Variants in ALDOC observed in about 807,000 individuals in gnomAD.
The protein encoded by ALDOC is aldolase, fructose-bisphosphate C.
ALDOC carries 23 observed loss-of-function variants against 39.5 expected under a neutral mutation model. That is an observed-to-expected ratio of 0.58 (90% CI 0.42 to 0.82). The LOEUF is 0.82. ALDOC is among the 40% of genes least tolerant of loss of function. The probability of loss-of-function intolerance (pLI) is 0.00; values close to 1 mark genes in which losing one functional copy is unlikely to be tolerated. For missense variants in ALDOC, 356 were observed against 479.1 expected (o/e 0.74, Z 2.40); for synonymous variants, 160 against 182.6 (o/e 0.88, Z 1.00).
At position 28,574,059 on chromosome 17, in the gene ALDOC, G is replaced by T; in HGVS notation, c.799+8C>A. On this transcript the variant is annotated splice_region_variant and intron_variant, in intron 7 of 8. Coordinates refer to ENST00000226253, the MANE Select transcript of ALDOC (RefSeq NM_005165.3). Reference sequence around the variant, plus strand: ...GGGATAGGAGCAGGTTAGGGAGCTGGGTAGTACCTGGGACAGCTGGGGGCA... The same window carrying T: ...GGGATAGGAGCAGGTTAGGGAGCTGTGTAGTACCTGGGACAGCTGGGGGCA... The T allele has an allele frequency of 6.3e-7, 1 of 1,595,084 alleles. No individual in the cohort carries two copies.
Position 28,575,720 on chromosome 17 carries a change from C to T in ALDOC, c.-12-176G>A, listed in dbSNP as rs1393739775. 7.5e-6 allele frequency: 6 copies of T among 795,270 alleles called. No individual in the cohort carries two copies. The highest frequency in any genetic ancestry group is 1.2e-5 in the Non-Finnish European group (6 of 520,114). The allele number at this position is 795,270 out of a possible 1,614,324, so 49.3% of individuals were successfully genotyped here. On this transcript the variant is annotated intron_variant, in intron 1 of 8. Transcript: ENST00000226253. The surrounding 1 kb of genome is among the most constrained non-coding windows in gnomAD (Gnocchi z 4.3). ...TCTGACAGCTAGCAAGCTTAGGGCT[C>T]CAGTTCCCACATCTCCTTTTGTCCC...
At position 28,573,219 on chromosome 17, in the gene ALDOC, G is replaced by T; in HGVS notation, c.*307C>A. Reference sequence around the variant, plus strand: ...CCCAGGAGACAGGGCAGGCAAGAAGGAGAGCCCAGGGAGAAGCTACCTCAT... The same window carrying T: ...CCCAGGAGACAGGGCAGGCAAGAAGTAGAGCCCAGGGAGAAGCTACCTCAT... On this transcript the variant is annotated 3_prime_UTR_variant, in exon 9 of 9. Transcript: ENST00000226253. The surrounding 1 kb of genome is among the most constrained non-coding windows in gnomAD (Gnocchi z 4.3). The T allele has an allele frequency of 4.1e-6, 2 of 493,326 alleles. No homozygotes were observed. Among genetic ancestry groups the T allele is most frequent in the South Asian group, 4.3e-5 (2 of 46,088 alleles). 30.6% of individuals were successfully genotyped at this position (493,326 alleles called of 1,614,324 possible).
At position 28,575,715 on chromosome 17, in the gene ALDOC, G is replaced by A. The variant is rs974941886; in HGVS notation, c.-12-171C>T. ...GTCCTTCTGACAGCTAGCAAGCTTA[G>A]GGCTCCAGTTCCCACATCTCCTTTT... is the stretch of plus-strand genomic sequence containing the variant. On this transcript the variant is annotated intron_variant, in intron 1 of 8. Coordinates refer to ENST00000226253, the MANE Select transcript of ALDOC (RefSeq NM_005165.3). This position sits in a 1 kb window ranked among gnomAD's most constrained non-coding sequence, Gnocchi z 4.3. 15 of 833,916 alleles carry A rather than the reference G, an allele frequency of 1.8e-5. No homozygotes were observed. The African/African-American group carries it at 2.4e-4, about 13-fold the overall frequency. The allele number at this position is 833,916 out of a possible 1,614,324, so 51.7% of individuals were successfully genotyped here.
chr17:28,573,334 A>C lies in ALDOC; in HGVS notation c.*192T>G. On this transcript the variant is annotated 3_prime_UTR_variant, in exon 9 of 9. Transcript: ENST00000226253. This position sits in a 1 kb window ranked among gnomAD's most constrained non-coding sequence, Gnocchi z 4.3. ...GCAATTTCTTCTGCCCTCAGTCATG[A>C]GGGGCTCCCTATCCTCCCATCCTAT... is the stretch of plus-strand genomic sequence containing the variant. The C allele has an allele frequency of 1.6e-6, 1 of 630,460 alleles. No homozygotes were observed. The allele number at this position is 630,460 out of a possible 1,614,324, so 39.1% of individuals were successfully genotyped here. A position where few individuals can be genotyped will look rare whatever the true frequency, so the allele number is the denominator to read the frequency against.
In ALDOC at chr17:28,573,914, C is replaced by T. The variant is rs1275413458; in HGVS notation, c.820G>A (p.Gly274Ser). The change falls in exon 8 of 9, where the codon GGT becomes AGT. Residue 274 changes from glycine (G) to serine (S), a missense_variant. Coordinates refer to ENST00000226253, the MANE Select transcript of ALDOC (RefSeq NM_005165.3). The surrounding 1 kb of genome is among the most constrained non-coding windows in gnomAD (Gnocchi z 4.3). ...AVPGVTFLSG[G>S]QSEEEASFNL... ...AATGATGCCTCTTCTTCGCTCTGAC[C>T]CCCAGACAGGAAGGTCACTCCTAGT... The T allele has an allele frequency of 1.2e-6, 2 of 1,614,026 alleles. No homozygotes were observed. The highest frequency in any genetic ancestry group is 1.7e-6 in the Non-Finnish European group (2 of 1,180,032).
At position 28,574,158 on chromosome 17, in the gene ALDOC, C is replaced by A; in HGVS notation, c.708G>T (p.Pro236=). The A allele has an allele frequency of 6.2e-7, 1 of 1,612,154 alleles. No individual in the cohort carries two copies. Among genetic ancestry groups the A allele is most frequent in the Non-Finnish European group, 8.5e-7 (1 of 1,178,994 alleles). The change falls in exon 7 of 9, where the codon CCG becomes CCT. Residue 236 remains proline (P), a synonymous_variant. Coordinates refer to ENST00000226253, the MANE Select transcript of ALDOC (RefSeq NM_005165.3). ...GTLLKPNMVT[P]GHACPIKYTP... ...TATACTTGATGGGACAGGCATGGCCCGGGGTCACCATGTTGGGCTTGAGCA... is the reference window on the plus strand; with the variant it reads ...TATACTTGATGGGACAGGCATGGCCAGGGGTCACCATGTTGGGCTTGAGCA...
In ALDOC at chr17:28,573,289, C is replaced by T; in HGVS notation, c.*237G>A. The T allele has an allele frequency of 1.7e-6, 1 of 575,070 alleles. No homozygotes were observed. The highest frequency in any genetic ancestry group is 3.1e-6 in the Non-Finnish European group (1 of 320,462). 35.6% of individuals were successfully genotyped at this position (575,070 alleles called of 1,614,324 possible). The stretch of plus-strand genomic sequence containing the variant: ...CTGGAAGAGGTAGGGGGAGACCCAG[C>T]CATCCTGTTCTGACTTCTAGCAATT... On this transcript the variant is annotated 3_prime_UTR_variant, in exon 9 of 9. Transcript: ENST00000226253. The surrounding 1 kb of genome is among the most constrained non-coding windows in gnomAD (Gnocchi z 4.3).
At position 28,573,635 on chromosome 17, in the gene ALDOC, C is replaced by T. The variant is rs41280130; in HGVS notation, c.1000-14G>A. ...AAGCCCATTCACCTGCAAAAGGGAG[C>T]GTGGAGTAAGCAGGCTGAGCCAGCC... On this transcript the variant is annotated splice_polypyrimidine_tract_variant and intron_variant, in intron 8 of 8. Transcript: ENST00000226253. The surrounding 1 kb of genome is among the most constrained non-coding windows in gnomAD (Gnocchi z 4.3). 29,770 of 1,614,112 alleles carry T rather than the reference C, an allele frequency of 0.018. 338 individuals are homozygous for T. The highest frequency in any genetic ancestry group is 0.022 in the Middle Eastern group (132 of 6,062).
intron 6 of ALDOC, 126 bp from the exon 7 acceptor site, chr17:28,574,367 TG>T (rs2151516599): frequency 7.0e-7 from 1 of 1,437,616 alleles, no homozygotes; most frequent in Admixed American, 1.7e-5. Flanking sequence ...ATCACAGGCC[TG>T]TGCCGGGATG....
At position 28,573,376 on chromosome 17, in the gene ALDOC, A is replaced by C; in HGVS notation, c.*150T>G. ...CCATCCTATGGTCCCAGGTGCAGCA[A>C]TGAGAGAGGGGAAGGGAAGAGAGAA... is the stretch of plus-strand genomic sequence containing the variant. On this transcript the variant is annotated 3_prime_UTR_variant, in exon 9 of 9. Coordinates refer to ENST00000226253, the MANE Select transcript of ALDOC (RefSeq NM_005165.3). The surrounding 1 kb of genome is among the most constrained non-coding windows in gnomAD (Gnocchi z 4.3). 1 of 720,776 alleles carries C rather than the reference A, an allele frequency of 1.4e-6. No individual in the cohort carries two copies. The highest frequency in any genetic ancestry group is 2.5e-6 in the Non-Finnish European group (1 of 405,454). 44.6% of individuals were successfully genotyped at this position (720,776 alleles called of 1,614,324 possible). A position where few individuals can be genotyped will look rare whatever the true frequency, so the allele number is the denominator to read the frequency against.
chr17:28,574,916 A>G (rs757382237), intron 4 of ALDOC, 36 bp downstream of exon 4: 1 of 1,614,076 alleles, frequency 6.2e-7, no homozygotes, highest in South Asian at 1.1e-5. Context: ...CAACTATCTA[A>G]CACCTCTTTG....
intron 1 of ALDOC, chr17:28,576,016 A>G: frequency 2.0e-6 from 2 of 1,001,304 alleles, no homozygotes; most frequent in Non-Finnish European, 2.4e-6. Flanking sequence ...CTCTTCTCTC[A>G]GCTTCTAGAG....
In ALDOC at chr17:28,574,684, C is replaced by T; in HGVS notation, c.540+12G>A. ...CAGGGCACCTAGCTCACCACCCTCC[C>T]AACACACACACCTGCTGGCAGATAC... On this transcript the variant is annotated intron_variant, in intron 5 of 8. Transcript: ENST00000226253. 6.2e-7 allele frequency: 1 copy of T among 1,614,088 alleles called. No individual in the cohort carries two copies. The highest frequency in any genetic ancestry group is 8.5e-7 in the Non-Finnish European group (1 of 1,180,012).
rs781332816 is a variant in ALDOC, at chr17:28,573,450, A to G, written c.*76T>C. On this transcript the variant is annotated 3_prime_UTR_variant, in exon 9 of 9. Transcript: ENST00000226253. This position sits in a 1 kb window ranked among gnomAD's most constrained non-coding sequence, Gnocchi z 4.3. Reference sequence around the variant, plus strand: ...GAAGGCATCTCTGCTCTGCATAGCTATTTGGCCCTGGCCATGACTACAAGC... The same window carrying G: ...GAAGGCATCTCTGCTCTGCATAGCTGTTTGGCCCTGGCCATGACTACAAGC... The G allele has an allele frequency of 7.5e-6, 10 of 1,335,070 alleles. No homozygotes were observed. Among genetic ancestry groups the G allele is most frequent in the Admixed American group, 3.4e-5 (2 of 59,628 alleles). 82.7% of individuals were successfully genotyped at this position (1,335,070 alleles called of 1,614,324 possible). A position where few individuals can be genotyped will look rare whatever the true frequency, so the allele number is the denominator to read the frequency against.
chr17:28,573,212 CAAG>C lies in ALDOC; in HGVS notation c.*311_*313del, dbSNP rs2070449284. The stretch of plus-strand genomic sequence containing the variant: ...CTCTGATCCCAGGAGACAGGGCAGG[CAAG>C]AAGGAGAGCCCAGGGAGAAGCTACC... On this transcript the variant is annotated 3_prime_UTR_variant, in exon 9 of 9. Coordinates refer to ENST00000226253, the MANE Select transcript of ALDOC (RefSeq NM_005165.3). The surrounding 1 kb of genome is among the most constrained non-coding windows in gnomAD (Gnocchi z 4.3). 3 of 481,110 alleles carry C rather than the reference CAAG, an allele frequency of 6.2e-6. No homozygotes were observed. The highest frequency in any genetic ancestry group is 2.2e-5 in the South Asian group (1 of 45,748). The allele number at this position is 481,110 out of a possible 1,614,324, so 29.8% of individuals were successfully genotyped here.
At chr17:28,574,930 C>T (rs749734583) in intron 4 of ALDOC, 22 bp downstream of exon 4, 1 of 1,614,202 alleles carries the variant, frequency 6.2e-7, no homozygotes, top group Non-Finnish European at 8.5e-7. Flanking sequence ...CTCTTTGGTC[C>T]TCAAGCCCAC....
rs552976515 is a variant in ALDOC, at chr17:28,575,782, G to C, written c.-12-238C>G. 1.5e-4 allele frequency: 89 copies of C among 612,050 alleles called. 1 individual carries two copies. Among genetic ancestry groups the C allele is most frequent in the Non-Finnish European group, 2.0e-4 (76 of 376,704 alleles). The allele number at this position is 612,050 out of a possible 1,614,324, so 37.9% of individuals were successfully genotyped here. A position where few individuals can be genotyped will look rare whatever the true frequency, so the allele number is the denominator to read the frequency against. ...CTTCCCAGCCCTGGGGAAAGATGCA[G>C]GGTGGGGGTGGGGAGGTGAGCAGCC... is the stretch of plus-strand genomic sequence containing the variant. On this transcript the variant is annotated intron_variant, in intron 1 of 8. Transcript: ENST00000226253. This position sits in a 1 kb window ranked among gnomAD's most constrained non-coding sequence, Gnocchi z 4.3.
At position 28,575,061 on chromosome 17, in the gene ALDOC, C is replaced by A; in HGVS notation, c.325-55G>T. On this transcript the variant is annotated intron_variant, in intron 3 of 8. Transcript: ENST00000226253. The surrounding 1 kb of genome is among the most constrained non-coding windows in gnomAD (Gnocchi z 4.3). ...ATCCAGGCAGGATTCTCCTTGCTAC[C>A]CCTCCTACACAAGCTTATTTTCACA... The A allele has an allele frequency of 1.2e-6, 2 of 1,613,996 alleles. No individual in the cohort carries two copies. The highest frequency in any genetic ancestry group is 1.7e-6 in the Non-Finnish European group (2 of 1,179,914).
In ALDOC at chr17:28,573,612, G is replaced by A. The variant is rs1164712411; in HGVS notation, c.1009C>T (p.Leu337Phe). The A allele has an allele frequency of 2.5e-6, 4 of 1,614,218 alleles. No individual in the cohort carries two copies. The highest frequency in any genetic ancestry group is 3.3e-5 in the Admixed American group (2 of 60,022). The change falls in exon 9 of 9, where the codon CTT (leucine) becomes TTT (phenylalanine). Residue 337 changes from leucine to phenylalanine, a missense_variant. Physicochemically the swap from Leu to Phe is conservative, Grantham distance 22. Transcript: ENST00000226253. This position sits in a 1 kb window ranked among gnomAD's most constrained non-coding sequence, Gnocchi z 4.3. ...CCTTCATACTTGCCCTGGGCTGCAA[G>A]CCCATTCACCTGCAAAAGGGAGCGT... ...EFIKRAEVNG[L>F]AAQGKYEGSG...
Sources: allele counts gnomAD v4.1 joint callset, GRCh38; gene constraint gnomAD v4.1.1; non-coding constraint Gnocchi (gnomAD v3.1); transcripts MANE v1.5; gene names NCBI Gene and HGNC (gene_info 2026-07-23, HGNC 2026-07-21).